Variants in SLC22A3 observed in about 807,000 individuals in gnomAD.
The protein encoded by SLC22A3 is solute carrier family 22 member 3.
In SLC22A3, 51 loss-of-function variants were observed where a neutral mutation model predicts 59.1. The observed-to-expected ratio is 0.86, with a 90% CI of 0.69 to 1.09. SLC22A3 has a LOEUF of 1.09. Among genes scored for constraint, SLC22A3 ranks in the 50% least tolerant of loss-of-function variants. The probability of loss-of-function intolerance (pLI) is 0.00; values close to 1 mark genes in which losing one functional copy is unlikely to be tolerated. For synonymous variants in SLC22A3, 325 were observed against 292.0 expected (o/e 1.11, Z -1.15); for missense variants, 711 against 726.3 (o/e 0.98, Z 0.24).
chr6:160,362,969 A>G (rs1387731499), intron 1 of SLC22A3, among the ~76,000 whole-genome samples: 1 of 152,240 alleles, frequency 6.6e-6, no homozygotes, highest in Non-Finnish European at 1.5e-5. Context: ...CTTTGGGCCG[A>G]CAGAGTTGTC....
chr6:160,424,770 T>C (rs1562495814), intron 5 of SLC22A3, among the ~76,000 whole-genome samples: 1 of 152,332 alleles, frequency 6.6e-6, no homozygotes, highest in East Asian at 1.9e-4. Context: ...CTGGCTTACA[T>C]TTCAGAGCCA....
chr6:160,391,563 C>A (rs1176186566), intron 1 of SLC22A3, among the ~76,000 whole-genome samples: 2 of 152,154 alleles, frequency 1.3e-5, no homozygotes, highest in East Asian at 3.8e-4. Context: ...CTGGGAGCGG[C>A]CAAGTCAAGA....
At chr6:160,352,209 G>T (rs1562463963) in intron 1 of SLC22A3, among the ~76,000 whole-genome samples, 1 of 152,196 alleles carries the variant, frequency 6.6e-6, no homozygotes, top group South Asian at 2.1e-4. Context: ...ACTTGAGATA[G>T]TTCTAAGACA....
intron 1 of SLC22A3, among the ~76,000 whole-genome samples, chr6:160,360,981 G>T (rs1784995712): frequency 6.6e-6 from 1 of 152,278 alleles, no homozygotes; most frequent in Non-Finnish European, 1.5e-5. Context: ...TAAGAGGAGG[G>T]CTTCCTCTAC....
intron 5 of SLC22A3, among the ~76,000 whole-genome samples, chr6:160,433,582 C>T (rs533335744): frequency 3.3e-5 from 5 of 152,024 alleles, no homozygotes; most frequent in South Asian, 2.1e-4. Flanking sequence ...GTGGCATGCA[C>T]CTGTGGTACC....
rs534239898 is a variant in SLC22A3, at chr6:160,410,787, C to T, written c.916C>T (p.Gln306Ter). 2.5e-6 allele frequency: 4 copies of T among 1,613,238 alleles called. No homozygotes were observed. The highest frequency in any genetic ancestry group is 3.4e-6 in the Non-Finnish European group (4 of 1,179,546). Residue 306 changes from glutamine to a stop codon, truncating the protein, a stop_gained, in exon 5 of 11, where the codon CAG (glutamine) becomes TAG (stop). Transcript: ENST00000275300. LOFTEE classifies it high-confidence loss of function. ...TCGGAAGAAAGGAGATAAAGCATTACAGATCCTGAGACGCATTGCTAAGTG... is the reference window on the plus strand; with the variant it reads ...TCGGAAGAAAGGAGATAAAGCATTATAGATCCTGAGACGCATTGCTAAGTG... Reference protein sequence around the residue: ...ITRKKGDKALQILRRIAKCNG... With the variant: ...ITRKKGDKAL
chr6:160,401,351 TTACACCC>T (rs1206534693), intron 2 of SLC22A3, among the ~76,000 whole-genome samples: 4 of 151,758 alleles, frequency 2.6e-5, no homozygotes, highest in Non-Finnish European at 4.4e-5. Flanking sequence ...ATGATAAAAA[TTACACCC>T]TACTTCTTTT....
At chr6:160,388,299 G>GA (rs1015938124) in intron 1 of SLC22A3, among the ~76,000 whole-genome samples, 10 of 151,198 alleles carry the variant, frequency 6.6e-5, no homozygotes, top group Admixed American at 3.3e-4. Flanking sequence ...TGTACAATTA[G>GA]AAAAAAAAAT....
At chr6:160,378,034 CCTT>C (rs1008155999) in intron 1 of SLC22A3, among the ~76,000 whole-genome samples, 1 of 152,172 alleles carries the variant, frequency 6.6e-6, no homozygotes, top group African/African-American at 2.4e-5. Context: ...ATTTAACACT[CCTT>C]CAACATTCAC....
At chr6:160,441,433 G>A (rs756431901) in intron 7 of SLC22A3, among the ~76,000 whole-genome samples, 13 of 152,064 alleles carry the variant, frequency 8.5e-5, no homozygotes, top group African/African-American at 2.4e-4. Flanking sequence ...AACCGTTAAC[G>A]TGACAGCTAC....
Position 160,436,778 on chromosome 6 carries a change from A to G in SLC22A3, c.976-2A>G. ...CTACTGAAATCTGCTTTTCTTATAT[A>G]GATCACTGTTACAGATGAGGAAGTT... is the stretch of plus-strand genomic sequence containing the variant. On this transcript the variant is annotated splice_acceptor_variant, in intron 5 of 10. Coordinates refer to ENST00000275300, the MANE Select transcript of SLC22A3 (RefSeq NM_021977.4). LOFTEE classifies it high-confidence loss of function. The G allele has an allele frequency of 1.2e-6, 2 of 1,600,742 alleles. No individual in the cohort carries two copies.
intron 2 of SLC22A3, among the ~76,000 whole-genome samples, chr6:160,400,984 G>GAAAAAAAAA (rs58532600): frequency 1.3e-5 from 1 of 78,558 alleles, no homozygotes; most frequent in Non-Finnish European, 2.3e-5. Flanking sequence ...CTCCAAAACT[G>GAAAAAAAAA]AAAAAAAAAA....
Position 160,348,751 on chromosome 6 carries a change from C to T in SLC22A3, c.332C>T (p.Ala111Val), listed in dbSNP as rs1230121434. The T allele has an allele frequency of 1.3e-6, 2 of 1,539,292 alleles. No individual in the cohort carries two copies. Among genetic ancestry groups the T allele is most frequent in the Admixed American group, 3.8e-5 (2 of 52,126 alleles). Residue 111 changes from alanine to valine, a missense_variant, in exon 1 of 11, where the codon GCG (alanine) becomes GTG (valine). Physicochemically the swap from Ala to Val is moderately conservative, Grantham distance 64 (BLOSUM62 0). Coordinates refer to ENST00000275300, the MANE Select transcript of SLC22A3 (RefSeq NM_021977.4). Reference sequence around the variant, plus strand: ...TCCGCCACTAGCGCTCTCAGCTGCGCGGACCCACTCGCCGCCTTCCCCAAC... The same window carrying T: ...TCCGCCACTAGCGCTCTCAGCTGCGTGGACCCACTCGCCGCCTTCCCCAAC... ...SASATSALSC[A>V]DPLAAFPNRS...
At chr6:160,411,513 G>T (rs1787247190) in intron 5 of SLC22A3, among the ~76,000 whole-genome samples, 1 of 152,126 alleles carries the variant, frequency 6.6e-6, no homozygotes, top group Non-Finnish European at 1.5e-5. Context: ...TGAGGTGGGA[G>T]GATTGCTTGA....
At chr6:160,429,597 G>A (rs769643694) in intron 5 of SLC22A3, among the ~76,000 whole-genome samples, 7 of 152,118 alleles carry the variant, frequency 4.6e-5, no homozygotes, top group African/African-American at 1.7e-4. Context: ...TAGTCTCCTG[G>A]GGATGCAGTT....
At chr6:160,373,547 C>A (rs1449234153) in intron 1 of SLC22A3, among the ~76,000 whole-genome samples, 1 of 152,194 alleles carries the variant, frequency 6.6e-6, no homozygotes, top group Non-Finnish European at 1.5e-5. Flanking sequence ...GCTGGGAGAT[C>A]TGCTGCTATG....
intron 1 of SLC22A3, among the ~76,000 whole-genome samples, chr6:160,377,961 T>C (rs1381192132): frequency 6.6e-6 from 1 of 152,238 alleles, no homozygotes. Flanking sequence ...AACCTTTTCA[T>C]TGTATGTTTT....
At chr6:160,413,796 T>C (rs2457571) in intron 5 of SLC22A3, among the ~76,000 whole-genome samples, 93,731 of 152,066 alleles carry the variant, frequency 0.62, 30,716 homozygotes, top group African/African-American at 0.84. Flanking sequence ...AAAATAACCA[T>C]GATTCCTTAA....
At chr6:160,400,152 G>A (rs1786707900) in intron 2 of SLC22A3, among the ~76,000 whole-genome samples, 1 of 142,944 alleles carries the variant, frequency 7.0e-6, no homozygotes, top group Non-Finnish European at 1.5e-5. Context: ...GAATATTAAG[G>A]AAAATCCCTC....
Sources: allele counts gnomAD v4.1 joint callset (sites outside exome capture counted in the v4.1 genomes callset), GRCh38; gene constraint gnomAD v4.1.1; transcripts MANE v1.5; gene names NCBI Gene and HGNC (gene_info 2026-07-23, HGNC 2026-07-21).